MYO6: variants seen among roughly 807,000 people sequenced by gnomAD.
MYO6 encodes the protein myosin VI, also known as unconventional myosin-VI.
In MYO6, 74 loss-of-function variants were observed where a neutral mutation model predicts 178.7. That is an observed-to-expected ratio of 0.41 (90% CI 0.34 to 0.50). The LOEUF is 0.50. Among genes scored for constraint, MYO6 ranks in the 20% least tolerant of loss-of-function variants. The pLI, the probability that MYO6 is intolerant of heterozygous loss-of-function variation, is 0.09. For missense variants in MYO6, 1,330 were observed against 1,547.4 expected (o/e 0.86, Z 2.36); for synonymous variants, 477 against 504.6 (o/e 0.95, Z 0.73).
chr6:75,764,883 C>T lies in MYO6; in HGVS notation c.-48+15460C>T, dbSNP rs12662824. On this transcript the variant is annotated intron_variant, in intron 1 of 34. Coordinates refer to ENST00000369977, the MANE Select transcript of MYO6 (RefSeq NM_004999.4). ...GCGTGGTGGCAGGCACCTGTAGTCC[C>T]AGCTACTCGGGAGGCTGAGGCAGGA... Among the ~76,000 whole-genome samples the T allele has an allele frequency of 0.012, 1,883 of 151,682 alleles. 62 individuals are homozygous for T. The East Asian group carries it at 0.13, about 11-fold the overall frequency.
intron 14 of MYO6, 65 bp downstream of exon 14, chr6:75,859,058 T>G: frequency 9.5e-7 from 1 of 1,055,084 alleles, no homozygotes; most frequent in East Asian, 2.6e-5. Context: ...AAGGAAGAGA[T>G]ATGCTGCAGT....
chr6:75,781,689 A>C (rs1284380950), intron 1 of MYO6, among the ~76,000 whole-genome samples: 1 of 152,110 alleles, frequency 6.6e-6, no homozygotes, highest in Non-Finnish European at 1.5e-5. Flanking sequence ...TGGGAGGCTG[A>C]GGCAGGTGGA....
At chr6:75,911,409 A>C (rs1222822631) in intron 32 of MYO6, among the ~76,000 whole-genome samples, 1 of 151,948 alleles carries the variant, frequency 6.6e-6, no homozygotes, top group Non-Finnish European at 1.5e-5. Flanking sequence ...CAAAAATCAC[A>C]AATGAAGTAT....
At position 75,832,870 on chromosome 6, in the gene MYO6, G is replaced by A; in HGVS notation, c.420G>A (p.Val140=). Residue 140 remains valine, a synonymous_variant, in exon 6 of 35, where the codon GTG becomes GTA. Coordinates refer to ENST00000369977, the MANE Select transcript of MYO6 (RefSeq NM_004999.4). ...ATAAAGCTTTTCGAGACATGAAGGT[G>A]CTCAAGATGAGTCAGTCTATCATTG... is the stretch of plus-strand genomic sequence containing the variant. ...IADKAFRDMK[V]LKMSQSIIVS... 6.2e-7 allele frequency: 1 copy of A among 1,613,852 alleles called. No homozygotes were observed. The highest frequency in any genetic ancestry group is 8.5e-7 in the Non-Finnish European group (1 of 1,179,752).
Position 75,856,175 on chromosome 6 carries a change from A to G in MYO6, c.1223+892A>G, listed in dbSNP as rs539554677. Among the ~76,000 whole-genome samples the G allele has an allele frequency of 1.2e-3, 184 of 152,292 alleles. 2 individuals are homozygous for G. The highest frequency in any genetic ancestry group is 4.4e-3 in the African/African-American group (181 of 41,572). ...TACAGTTACTTGGTTCCTTAGAGAT[A>G]TCTCTGCGGCCCAAGGGAAAGCCCA... is the stretch of plus-strand genomic sequence containing the variant. On this transcript the variant is annotated intron_variant, in intron 12 of 34. Transcript: ENST00000369977.
At chr6:75,756,844 G>A (rs1467106051) in intron 1 of MYO6, among the ~76,000 whole-genome samples, 2 of 150,682 alleles carry the variant, frequency 1.3e-5, no homozygotes, top group East Asian at 3.9e-4. Context: ...CTAGTACTAA[G>A]CAGGTAGTAG....
chr6:75,774,566 A>G (rs1313831386), intron 1 of MYO6, among the ~76,000 whole-genome samples: 1 of 152,176 alleles, frequency 6.6e-6, no homozygotes, highest in Non-Finnish European at 1.5e-5. Flanking sequence ...ACATTAAAGC[A>G]ACATGGGTGT....
intron 1 of MYO6, among the ~76,000 whole-genome samples, chr6:75,795,121 C>T (rs1768669983): frequency 6.6e-6 from 1 of 152,130 alleles, no homozygotes; most frequent in South Asian, 2.1e-4. Context: ...TTAGATTTAT[C>T]TGACCTTAAT....
chr6:75,765,170 C>CTTTTT (rs71002762), intron 1 of MYO6, among the ~76,000 whole-genome samples: 28 of 57,690 alleles, frequency 4.9e-4, no homozygotes, highest in East Asian at 1.4e-3. Context: ...AAAAAAAAAG[C>CTTTTT]TTTTTTTTTT....
intron 7 of MYO6, among the ~76,000 whole-genome samples, chr6:75,838,257 A>G (rs1437791937): frequency 6.6e-6 from 1 of 151,912 alleles, no homozygotes; most frequent in Non-Finnish European, 1.5e-5. Context: ...GGGTTTCACC[A>G]TGTTGGGCAG....
At chr6:75,868,027 A>G (rs1326666176) in intron 18 of MYO6, among the ~76,000 whole-genome samples, 4 of 152,138 alleles carry the variant, frequency 2.6e-5, no homozygotes, top group Admixed American at 2.6e-4. Flanking sequence ...GCCTTTCACT[A>G]TATGTACTTT....
chr6:75,892,152 T>A (rs1340251683), intron 27 of MYO6, among the ~76,000 whole-genome samples: 2 of 152,248 alleles, frequency 1.3e-5, no homozygotes, highest in African/African-American at 2.4e-5. Context: ...TTTCTGTTTG[T>A]CATGGCTTTC....
At chr6:75,784,342 A>T (rs937370020) in intron 1 of MYO6, among the ~76,000 whole-genome samples, 5 of 151,682 alleles carry the variant, frequency 3.3e-5, no homozygotes, top group African/African-American at 1.2e-4. Context: ...TGGAATTGGG[A>T]GGGAAGTTTG....
chr6:75,879,500 G>T (rs1306524979), intron 20 of MYO6, among the ~76,000 whole-genome samples: 1 of 148,020 alleles, frequency 6.8e-6, no homozygotes, highest in Non-Finnish European at 1.5e-5. Flanking sequence ...CAAGCAGTTT[G>T]CCTGGCGTGG....
chr6:75,805,593 G>A (rs371833065), intron 1 of MYO6, among the ~76,000 whole-genome samples: 1 of 152,170 alleles, frequency 6.6e-6, no homozygotes, highest in African/African-American at 2.4e-5. Flanking sequence ...GAAAAGCCAC[G>A]ATTGCCTTCT....
intron 13 of MYO6, 62 bp from the exon 14 acceptor site, chr6:75,858,840 T>C: frequency 1.1e-6 from 1 of 944,500 alleles, no homozygotes; most frequent in Non-Finnish European, 1.7e-6. Flanking sequence ...CATTTTATCC[T>C]ATGATAAATT....
chr6:75,834,833 A>C (rs543829047), intron 6 of MYO6, among the ~76,000 whole-genome samples: 1 of 152,316 alleles, frequency 6.6e-6, no homozygotes, highest in Admixed American at 6.5e-5. Flanking sequence ...ATATACATAC[A>C]CACAATTCTG....
At chr6:75,874,083 G>A (rs185947740) in intron 20 of MYO6, among the ~76,000 whole-genome samples, 91 of 152,200 alleles carry the variant, frequency 6.0e-4, no homozygotes, top group African/African-American at 2.0e-3. Flanking sequence ...TCTTTTGAGA[G>A]GTAGATTTAC....
At chr6:75,860,891 A>G in intron 14 of MYO6, 132 bp from the exon 15 acceptor site, 2 of 719,846 alleles carry the variant, frequency 2.8e-6, no homozygotes, top group Non-Finnish European at 2.4e-6. Context: ...TGTTTTTGGA[A>G]AACCATTTAA....
Sources: allele counts gnomAD v4.1 joint callset (sites outside exome capture counted in the v4.1 genomes callset), GRCh38; gene constraint gnomAD v4.1.1; transcripts MANE v1.5; gene names NCBI Gene and HGNC (gene_info 2026-07-23, HGNC 2026-07-21).